The following ZEB2 variants were observed in gnomAD, a reference collection of about 807,000 sequenced individuals.
The protein encoded by ZEB2 is zinc finger E-box-binding homeobox 2.
A neutral mutation model predicts 99.9 loss-of-function variants in ZEB2; 6 were observed. That is an observed-to-expected ratio of 0.06 (90% confidence interval 0.03 to 0.12). The LOEUF (loss-of-function observed/expected upper bound fraction) is 0.12. Among genes scored for constraint, ZEB2 ranks in the 10% least tolerant of loss-of-function variants. ZEB2 has a pLI of 1.00. For synonymous variants in ZEB2, 517 were observed against 542.5 expected (o/e 0.95, Z 0.65); for missense variants, 969 against 1,502.8 (o/e 0.64, Z 5.87).
At position 144,403,911 on chromosome 2, in the gene ZEB2, C is replaced by T; in HGVS notation, c.807+5G>A. ...GAAAGAAATCACTTAAAACCATCCC[C>T]CCACCTGATCTGTCCCTGGCTTGTG... On this transcript the variant is annotated splice_donor_5th_base_variant and intron_variant, in intron 6 of 9. Coordinates refer to ENST00000627532, the MANE Select transcript of ZEB2 (RefSeq NM_014795.4). 6.2e-7 allele frequency: 1 copy of T among 1,614,112 alleles called. No individual in the cohort carries two copies. The highest frequency in any genetic ancestry group is 1.6e-4 in the Middle Eastern group (1 of 6,062).
At chr2:144,434,112 G>A (rs764795697) in intron 2 of ZEB2, among the ~76,000 whole-genome samples, 43 of 152,142 alleles carry the variant, frequency 2.8e-4, no homozygotes, top group South Asian at 8.3e-4. Flanking sequence ...ACATACAGAA[G>A]AACTGATGTG....
At chr2:144,508,873 C>T (rs991228398) in intron 2 of ZEB2, among the ~76,000 whole-genome samples, 3 of 151,994 alleles carry the variant, frequency 2.0e-5, no homozygotes, top group African/African-American at 4.8e-5. Flanking sequence ...CTCTAGCTAC[C>T]GTAGTCTAAT....
chr2:144,517,719 G>A (rs1039641225), intron 1 of ZEB2: 7 of 702,678 alleles, frequency 1.0e-5, no homozygotes, highest in Non-Finnish European at 1.8e-5. Context: ...GGTACAGTAA[G>A]ACCGCTTGAC....
intron 2 of ZEB2, among the ~76,000 whole-genome samples, chr2:144,436,316 T>C (rs1012630737): frequency 3.9e-5 from 6 of 152,228 alleles, no homozygotes; most frequent in Admixed American, 3.9e-4. Flanking sequence ...TTGGCCACTT[T>C]AATTTTTTAT....
intron 2 of ZEB2, among the ~76,000 whole-genome samples, chr2:144,473,283 A>C (rs1205934384): frequency 6.6e-6 from 1 of 152,214 alleles, no homozygotes; most frequent in Non-Finnish European, 1.5e-5. Context: ...TTCCCACTGC[A>C]ATGGAAAACT....
At position 144,385,146 on chromosome 2, in the gene ZEB2, T is replaced by C. The variant is rs886054874; in HGVS notation, c.*4305A>G. On this transcript the variant is annotated 3_prime_UTR_variant, in exon 10 of 10. Transcript: ENST00000627532. ...TTTATAGGAGTGCTTATATAAGCGA[T>C]AATAATTGGACCAGTGTCCCTTGAT... 2 of 152,200 alleles carry C rather than the reference T, an allele frequency of 1.3e-5. No homozygotes were observed. Among genetic ancestry groups the C allele is most frequent in the Non-Finnish European group, 2.9e-5 (2 of 68,026 alleles). The allele number at this position is 152,200 out of a possible 1,614,324, so 9.4% of individuals were successfully genotyped here.
At chr2:144,465,112 G>A (rs920995046) in intron 2 of ZEB2, among the ~76,000 whole-genome samples, 12 of 152,058 alleles carry the variant, frequency 7.9e-5, no homozygotes, top group African/African-American at 1.2e-4. Flanking sequence ...TCTTTACCCC[G>A]TTTGTAGACC....
chr2:144,501,831 G>C (rs1033597105), intron 2 of ZEB2, among the ~76,000 whole-genome samples: 2 of 152,134 alleles, frequency 1.3e-5, no homozygotes, highest in Non-Finnish European at 1.5e-5. Flanking sequence ...TATGGGATTG[G>C]ACAAAATTTT....
At chr2:144,507,374 G>A (rs551204938) in intron 2 of ZEB2, 30 of 152,246 alleles carry the variant, frequency 2.0e-4, no homozygotes, top group South Asian at 1.2e-3. Flanking sequence ...AGAATGAAAG[G>A]TAACCTGAAT....
At chr2:144,471,342 A>G (rs979346290) in intron 2 of ZEB2, among the ~76,000 whole-genome samples, 1 of 151,988 alleles carries the variant, frequency 6.6e-6, no homozygotes, top group Non-Finnish European at 1.5e-5. Flanking sequence ...AAACACCTCA[A>G]TGCAACAAAA....
At chr2:144,396,630 C>A (rs1703233592) in intron 8 of ZEB2, 38 bp from the exon 9 acceptor site, 1 of 1,602,136 alleles carries the variant, frequency 6.2e-7, no homozygotes, top group Non-Finnish European at 8.5e-7. Context: ...AGTGGCTTCT[C>A]TTTGTGCTCA....
chr2:144,409,725 T>C (rs994356412), intron 4 of ZEB2, among the ~76,000 whole-genome samples: 5 of 152,020 alleles, frequency 3.3e-5, no homozygotes, highest in Admixed American at 1.3e-4. Flanking sequence ...CTCGTCTCTA[T>C]AGAAAGTAAA....
chr2:144,476,362 G>C (rs1264786432), intron 2 of ZEB2, among the ~76,000 whole-genome samples: 1 of 152,066 alleles, frequency 6.6e-6, no homozygotes, highest in Non-Finnish European at 1.5e-5. Flanking sequence ...GGGCCTCAAG[G>C]GGTTAACATG....
At chr2:144,409,043 A>T (rs1358192042) in intron 4 of ZEB2, among the ~76,000 whole-genome samples, 1 of 152,238 alleles carries the variant, frequency 6.6e-6, no homozygotes, top group Admixed American at 6.5e-5. Context: ...TAAAGCAGAC[A>T]TACAGAGAAA....
intron 2 of ZEB2, among the ~76,000 whole-genome samples, chr2:144,514,770 G>C (rs1206153000): frequency 6.6e-6 from 1 of 152,252 alleles, no homozygotes; most frequent in Non-Finnish European, 1.5e-5. Flanking sequence ...GTCAAAGTTA[G>C]AGAAGCTGTA....
chr2:144,418,460 G>A lies in ZEB2; in HGVS notation c.403+6336C>T, dbSNP rs190988903. Among the ~76,000 whole-genome samples, 252 of 152,084 alleles carry A rather than the reference G, an allele frequency of 1.7e-3. 1 individual carries two copies. Among genetic ancestry groups the A allele is most frequent in the African/African-American group, 5.4e-3 (225 of 41,496 alleles). Reference sequence around the variant, plus strand: ...TCCCAGCACTTTGGGAGGCTGAGGCGGGGGGACACCTGAGGTCAGGAGTTC... The same window carrying A: ...TCCCAGCACTTTGGGAGGCTGAGGCAGGGGGACACCTGAGGTCAGGAGTTC... On this transcript the variant is annotated intron_variant, in intron 4 of 9. Transcript: ENST00000627532.
intron 2 of ZEB2, among the ~76,000 whole-genome samples, chr2:144,502,841 A>C (rs1485409089): frequency 6.6e-6 from 1 of 151,662 alleles, no homozygotes; most frequent in Admixed American, 6.6e-5. Context: ...TCACTTTAAC[A>C]TAAACTCCCT....
At chr2:144,392,043 T>C (rs954767838) in intron 9 of ZEB2, among the ~76,000 whole-genome samples, 5 of 152,208 alleles carry the variant, frequency 3.3e-5, no homozygotes, top group African/African-American at 1.2e-4. Flanking sequence ...TATTCATTAA[T>C]ACATGTTCAA....
intron 4 of ZEB2, 144 bp from the exon 5 acceptor site, chr2:144,405,168 C>T (rs529146169): frequency 1.8e-4 from 151 of 859,788 alleles, no homozygotes; most frequent in Admixed American, 7.5e-4. Flanking sequence ...TGAAGATGAC[C>T]GATTATTGAC....
Sources: allele counts gnomAD v4.1 joint callset (sites outside exome capture counted in the v4.1 genomes callset), GRCh38; gene constraint gnomAD v4.1.1; transcripts MANE v1.5; gene names NCBI Gene and HGNC (gene_info 2026-07-23, HGNC 2026-07-21).